Variants in HOMER2 observed in about 807,000 individuals in gnomAD.
HOMER2 encodes the protein homer scaffold protein 2, also known as homer protein homolog 2.
HOMER2 carries 27 observed loss-of-function variants against 47.0 expected under a neutral mutation model. The ratio of observed to expected loss-of-function variants is 0.57; its 90% CI spans 0.42 to 0.79. The LOEUF is 0.79. Among genes scored for constraint, HOMER2 ranks in the 30% least tolerant of loss-of-function variants. The pLI is 0.00. For missense variants in HOMER2, 443 were observed against 435.0 expected (o/e 1.02, Z -0.16); for synonymous variants, 161 against 163.8 (o/e 0.98, Z 0.13).
chr15:82,949,759 G>A (rs181780309), intron 1 of HOMER2, among the ~76,000 whole-genome samples: 90 of 152,250 alleles, frequency 5.9e-4, no homozygotes, highest in Non-Finnish European at 1.2e-3. Flanking sequence ...AGCTACATGT[G>A]GCTATTTAAA....
At chr15:82,920,913 G>A (rs1030607125) in intron 1 of HOMER2, among the ~76,000 whole-genome samples, 1 of 151,026 alleles carries the variant, frequency 6.6e-6, no homozygotes, top group African/African-American at 2.4e-5. Context: ...AAATTCTTGG[G>A]CTCAAGCAAT....
rs544637750 is a variant in HOMER2, at chr15:82,930,859, C to T, written c.5+21672G>A. On this transcript the variant is annotated intron_variant, in intron 1 of 8. Coordinates refer to ENST00000450735, the MANE Select transcript of HOMER2 (RefSeq NM_004839.4). ...TGGCCAACATAATGAAACCCCGTCT[C>T]TACTAAAAATACCAAAGTTAGTCGG... Among the ~76,000 whole-genome samples, 121 of 152,240 alleles carry T rather than the reference C, an allele frequency of 7.9e-4. 1 individual carries two copies. Among genetic ancestry groups the T allele is most frequent in the African/African-American group, 2.7e-3 (114 of 41,538 alleles).
chr15:82,841,115 A>G (rs1596294393), exon 2 of HOMER2: 1 of 151,412 alleles, frequency 6.6e-6, no homozygotes, highest in Non-Finnish European at 1.5e-5. Flanking sequence ...TTTATTATAC[A>G]AGTAATACAC....
intron 1 of HOMER2, among the ~76,000 whole-genome samples, chr15:82,922,528 G>A (rs1009072427): frequency 2.0e-5 from 3 of 152,136 alleles, no homozygotes; most frequent in Admixed American, 6.5e-5. Flanking sequence ...ATAGCCCAGC[G>A]GCACTAGGTA....
At chr15:82,922,644 T>C (rs1339320850) in intron 1 of HOMER2, among the ~76,000 whole-genome samples, 1 of 152,126 alleles carries the variant, frequency 6.6e-6, no homozygotes, top group Non-Finnish European at 1.5e-5. Context: ...TTTTTATGCT[T>C]GATTCCCTTG....
chr15:82,892,734 T>C lies in HOMER2; in HGVS notation c.113A>G (p.Tyr38Cys), dbSNP rs759254280. The C allele has an allele frequency of 2.9e-5, 46 of 1,604,924 alleles. No individual in the cohort carries two copies. Among genetic ancestry groups the C allele is most frequent in the African/African-American group, 2.8e-4 (21 of 74,822 alleles). The change falls in exon 2 of 9, where the codon TAT becomes TGT. Residue 38 changes from tyrosine (Y) to cysteine (C), a missense_variant. Transcript: ENST00000450735. ...SKQAVTVSYFYDVTRNSYRII... is the reference protein window; with the variant it reads ...SKQAVTVSYFCDVTRNSYRII... ...CCGATAGCTGTTCCTTGTGACATCATAGAAGTAGGAAACGGTGACCGCCTG... is the reference window on the plus strand; with the variant it reads ...CCGATAGCTGTTCCTTGTGACATCACAGAAGTAGGAAACGGTGACCGCCTG...
chr15:82,901,724 G>A (rs1051336333), intron 1 of HOMER2, among the ~76,000 whole-genome samples: 2 of 152,230 alleles, frequency 1.3e-5, no homozygotes, highest in Non-Finnish European at 2.9e-5. Context: ...TCTTTAACTC[G>A]GGGCCAGCAT....
exon 2 of HOMER2, chr15:82,840,584 GC>G (rs2051166971): frequency 1.3e-5 from 2 of 152,122 alleles, no homozygotes; most frequent in African/African-American, 4.8e-5. Flanking sequence ...CTCCTGAGTA[GC>G]TGGGACTACA....
chr15:82,882,499 AGTTTTCCCACCCACTCAT>A (rs1373998182), intron 2 of HOMER2, among the ~76,000 whole-genome samples: 4 of 152,222 alleles, frequency 2.6e-5, no homozygotes, highest in African/African-American at 9.6e-5. Flanking sequence ...AACACACTGA[AGTTTTCCCACCCACTCAT>A]GTCTTTAGAC....
At chr15:82,979,353 T>G (rs1037977234) in intron 1 of HOMER2, among the ~76,000 whole-genome samples, 14 of 152,076 alleles carry the variant, frequency 9.2e-5, no homozygotes, top group Admixed American at 5.9e-4. Context: ...TAGAAGAAAT[T>G]AGGAATCACT....
chr15:82,881,788 GC>G (rs1362004570), intron 2 of HOMER2, among the ~76,000 whole-genome samples: 4 of 152,210 alleles, frequency 2.6e-5, no homozygotes, highest in African/African-American at 9.6e-5. Context: ...AACAGGTGTG[GC>G]TAAATATTTG....
In HOMER2 at chr15:82,852,202, CT is replaced by C; in HGVS notation, c.701del (p.Lys234ArgfsTer5). On this transcript the variant is annotated frameshift_variant, in exon 7 of 9. Transcript: ENST00000450735. LOFTEE classifies it high-confidence loss of function. ...CGATCCTCCTCTTCAGCTGCGTGTT[CT>C]TCTCCTTCTCTCTGTTGATCTCACT... ...QCSEINREKE[K>X]NTQLKRRIEE... is the part of the protein sequence containing the mutation. 6.2e-7 allele frequency: 1 copy of C among 1,613,984 alleles called. No individual in the cohort carries two copies. The highest frequency in any genetic ancestry group is 8.5e-7 in the Non-Finnish European group (1 of 1,179,888).
chr15:82,983,416 C>T (rs1032380051), intron 1 of HOMER2, among the ~76,000 whole-genome samples: 3 of 152,112 alleles, frequency 2.0e-5, no homozygotes, highest in Non-Finnish European at 2.9e-5. Flanking sequence ...TCTTGTATTT[C>T]TAACAACTCC....
chr15:82,931,908 ACT>A (rs2054021562), intron 1 of HOMER2, among the ~76,000 whole-genome samples: 1 of 152,240 alleles, frequency 6.6e-6, no homozygotes. Flanking sequence ...ACAAAGTCAA[ACT>A]CAATTAACCA....
intron 2 of HOMER2, among the ~76,000 whole-genome samples, chr15:82,892,042 C>T (rs2151097447): frequency 6.6e-6 from 1 of 151,102 alleles, no homozygotes; most frequent in East Asian, 1.9e-4. Flanking sequence ...TAATTCTGTT[C>T]CCATGATAAT....
intron 1 of HOMER2, among the ~76,000 whole-genome samples, chr15:82,984,144 T>A (rs2030499859): frequency 6.6e-6 from 1 of 151,882 alleles, no homozygotes; most frequent in South Asian, 2.1e-4. Context: ...GCCATTCTCC[T>A]GCCTCAGCCT....
intron 1 of HOMER2, among the ~76,000 whole-genome samples, chr15:82,978,896 T>G (rs1020431512): frequency 6.6e-6 from 1 of 152,196 alleles, no homozygotes; most frequent in Non-Finnish European, 1.5e-5. Flanking sequence ...AATTTTTGTA[T>G]TTTTAGTAGA....
At chr15:82,866,296 T>TA (rs534652190) in intron 3 of HOMER2, among the ~76,000 whole-genome samples, 166 of 152,356 alleles carry the variant, frequency 1.1e-3, no homozygotes, top group African/African-American at 3.9e-3. Context: ...ATGGGGCCTG[T>TA]AGCCCCTTTG....
At position 82,855,859 on chromosome 15, in the gene HOMER2, T is replaced by TTC. The variant is rs202027577; in HGVS notation, c.495-1061_495-1060dup. ...AACTGGAATCAGGTTCCCCTCATTG[T>TTC]TCTCTTCTGACCCTCCTTCAATTTC... On this transcript the variant is annotated intron_variant, in intron 5 of 8. Coordinates refer to ENST00000450735, the MANE Select transcript of HOMER2 (RefSeq NM_004839.4). Among the ~76,000 whole-genome samples, 493 of 152,340 alleles carry TTC rather than the reference T, an allele frequency of 3.2e-3. 4 individuals are homozygous for TTC. Among genetic ancestry groups the TTC allele is most frequent in the Middle Eastern group, 0.014 (4 of 294 alleles).
Sources: allele counts gnomAD v4.1 joint callset (sites outside exome capture counted in the v4.1 genomes callset), GRCh38; gene constraint gnomAD v4.1.1; transcripts MANE v1.5; gene names NCBI Gene and HGNC (gene_info 2026-07-23, HGNC 2026-07-21).